The following KLF2 variants were observed in gnomAD, a reference collection of about 807,000 sequenced individuals.
KLF2 encodes Krueppel-like factor 2.
KLF2 carries 9 observed loss-of-function variants against 22.2 expected under a neutral mutation model. The observed-to-expected ratio is 0.40, with a 90% CI of 0.24 to 0.71. The LOEUF is 0.71. Among genes scored for constraint, KLF2 ranks in the 30% least tolerant of loss-of-function variants. The pLI, the probability that KLF2 is intolerant of heterozygous loss-of-function variation, is 0.35. For missense variants in KLF2, 481 were observed against 542.1 expected (o/e 0.89, Z 1.12); for synonymous variants, 299 against 264.2 (o/e 1.13, Z -1.28).
Position 16,328,449 on chromosome 19 carries a change from C to T in KLF2, c.*1418C>T, listed in dbSNP as rs928727732. Among the ~76,000 whole-genome samples, 10 of 152,104 alleles carry T rather than the reference C, an allele frequency of 6.6e-5. No homozygotes were observed. The highest frequency in any genetic ancestry group is 2.4e-4 in the African/African-American group (10 of 41,434). On this transcript the variant is annotated 3_prime_UTR_variant, in exon 3 of 3. Coordinates refer to ENST00000248071, the MANE Select transcript of KLF2 (RefSeq NM_016270.4). ...CAGGGGCCCCGGGTAACCATGACCA[C>T]CAACCATTGCACAAGTTTCCAGAAA...
In KLF2 at chr19:16,328,456, T is replaced by C. The variant is rs1173861628; in HGVS notation, c.*1425T>C. Among the ~76,000 whole-genome samples the C allele has an allele frequency of 1.3e-5, 2 of 151,992 alleles. No individual in the cohort carries two copies. The highest frequency in any genetic ancestry group is 2.9e-5 in the Non-Finnish European group (2 of 68,012). On this transcript the variant is annotated 3_prime_UTR_variant, in exon 3 of 3. Coordinates refer to ENST00000248071, the MANE Select transcript of KLF2 (RefSeq NM_016270.4). ...CCCGGGTAACCATGACCACCAACCA[T>C]TGCACAAGTTTCCAGAAAGTGAAAA...
chr19:16,327,306 C>CG lies in KLF2; in HGVS notation c.*278dup. On this transcript the variant is annotated 3_prime_UTR_variant, in exon 3 of 3. Transcript: ENST00000248071. ...ATTTAAGTGGCATCTTCTCTCCCACCGGGTCTACACTAGAGGATCGAGGCT... is the reference window on the plus strand; with the variant it reads ...ATTTAAGTGGCATCTTCTCTCCCACCGGGGTCTACACTAGAGGATCGAGGCT... The CG allele has an allele frequency of 3.8e-6, 1 of 265,666 alleles. No individual in the cohort carries two copies. Among genetic ancestry groups the CG allele is most frequent in the South Asian group, 7.3e-5 (1 of 13,628 alleles). The allele number at this position is 265,666 out of a possible 1,614,324, so 16.5% of individuals were successfully genotyped here.
chr19:16,325,083 C>T (rs890822838), intron 1 of KLF2, 85 bp downstream of exon 1: 2 of 1,372,434 alleles, frequency 1.5e-6, no homozygotes, highest in Middle Eastern at 2.4e-4. Context: ...GGTGACAGGA[C>T]GCGAAGGCGG....
chr19:16,328,602 G>A lies in KLF2; in HGVS notation c.*1571G>A, dbSNP rs1166456494. On this transcript the variant is annotated 3_prime_UTR_variant, in exon 3 of 3. Transcript: ENST00000248071. ...ACGGCAGCCCTGGAAACAGCTGAGA[G>A]GTGTTTGGTAATCCACGAAAAGCAG... 1.3e-5 allele frequency among the ~76,000 whole-genome samples: 2 copies of A among 152,194 alleles called. No homozygotes were observed. Among genetic ancestry groups the A allele is most frequent in the Non-Finnish European group, 1.5e-5 (1 of 68,042 alleles).
At position 16,327,044 on chromosome 19, in the gene KLF2, C is replaced by A; in HGVS notation, c.*13C>A. 1 of 1,555,128 alleles carries A rather than the reference C, an allele frequency of 6.4e-7. No individual in the cohort carries two copies. The highest frequency in any genetic ancestry group is 8.7e-7 in the Non-Finnish European group (1 of 1,148,578). The stretch of plus-strand genomic sequence containing the variant: ...ACGGCACATGTAGCCGGGACGCCCC[C>A]GCCCACCTGCGCGCGGCCGTGGCGG... On this transcript the variant is annotated 3_prime_UTR_variant, in exon 3 of 3. Coordinates refer to ENST00000248071, the MANE Select transcript of KLF2 (RefSeq NM_016270.4).
In KLF2 at chr19:16,326,878, C is replaced by A; in HGVS notation, c.915C>A (p.Asn305Lys). The A allele has an allele frequency of 6.2e-7, 1 of 1,612,414 alleles. No homozygotes were observed. The highest frequency in any genetic ancestry group is 8.5e-7 in the Non-Finnish European group (1 of 1,179,680). ...CAGGTGAGAAGCCCTACCACTGCAA[C>A]TGGGACGGCTGCGGCTGGAAGTTTG... ...THTGEKPYHC[N>K]WDGCGWKFAR... is the part of the protein sequence containing the mutation. The change falls in exon 3 of 3, where the codon AAC becomes AAA. Residue 305 changes from asparagine to lysine, a missense_variant. Around this residue, in one of 2 missense-constraint regions of KLF2, gnomAD observed 60 missense variants for 107.0 expected, o/e 0.56. Coordinates refer to ENST00000248071, the MANE Select transcript of KLF2 (RefSeq NM_016270.4).
Position 16,325,412 on chromosome 19 carries a change from T to C in KLF2, c.272T>C (p.Leu91Pro), listed in dbSNP as rs746618681. Residue 91 changes from leucine to proline, a missense_variant, in exon 2 of 3, where the codon CTG (leucine) becomes CCG (proline). By Grantham distance (98) the Leu-to-Pro change is moderately conservative. This residue lies in a region of KLF2 where 421 missense variants were observed against 435.1 expected (regional missense o/e 0.97). Coordinates refer to ENST00000248071, the MANE Select transcript of KLF2 (RefSeq NM_016270.4). The stretch of plus-strand genomic sequence containing the variant: ...CCCTACAGCGCCCCCGCGGGTGGCC[T>C]GGTGTCTGAGCTGCTGCGACCCGAG... ...PPPYSAPAGG[L>P]VSELLRPELD... is the part of the protein sequence containing the mutation. 1 of 1,427,520 alleles carries C rather than the reference T, an allele frequency of 7.0e-7. No homozygotes were observed. The highest frequency in any genetic ancestry group is 9.1e-7 in the Non-Finnish European group (1 of 1,102,186). The allele number at this position is 1,427,520 out of a possible 1,614,324, so 88.4% of individuals were successfully genotyped here.
In KLF2 at chr19:16,326,019, G is replaced by C; in HGVS notation, c.879G>C (p.Leu293=). Residue 293 remains leucine (L), a synonymous_variant, in exon 2 of 3, where the codon CTG becomes CTC. Transcript: ENST00000248071. ...YTKSSHLKAH[L]RTHTGEKPYH... is the part of the protein sequence containing the mutation. ...AGAGTTCGCATCTGAAGGCGCATCT[G>C]CGCACGCACACAGGTGGGCGGCACG... The C allele has an allele frequency of 1.3e-6, 2 of 1,550,604 alleles. No homozygotes were observed. Among genetic ancestry groups the C allele is most frequent in the African/African-American group, 1.4e-5 (1 of 72,788 alleles).
chr19:16,324,915 G>A lies in KLF2; in HGVS notation c.-9G>A. Reference sequence around the variant, plus strand: ...CCCCGTCCGCGTCCTTTCTCCCCGGGTCCCGGCCATGGCGCTGAGTGAACC... The same window carrying A: ...CCCCGTCCGCGTCCTTTCTCCCCGGATCCCGGCCATGGCGCTGAGTGAACC... On this transcript the variant is annotated 5_prime_UTR_variant, in exon 1 of 3. Coordinates refer to ENST00000248071, the MANE Select transcript of KLF2 (RefSeq NM_016270.4). 2 of 1,593,626 alleles carry A rather than the reference G, an allele frequency of 1.3e-6. No individual in the cohort carries two copies. Among genetic ancestry groups the A allele is most frequent in the South Asian group, 1.1e-5 (1 of 88,772 alleles).
At chr19:16,326,756 G>C in intron 2 of KLF2, 100 bp from the exon 3 acceptor site, 1 of 1,220,250 alleles carries the variant, frequency 8.2e-7, no homozygotes, top group Non-Finnish European at 1.1e-6. Flanking sequence ...CGGGGAGCGC[G>C]TCAAGGCCCT....
At chr19:16,325,026 C>T in intron 1 of KLF2, 28 bp downstream of exon 1, 1 of 1,542,692 alleles carries the variant, frequency 6.5e-7, no homozygotes, top group Non-Finnish European at 8.7e-7. Flanking sequence ...GGCGGGGCGG[C>T]CGGGACCGTG....
chr19:16,325,449 G>T lies in KLF2; in HGVS notation c.309G>T (p.Pro103=), dbSNP rs1260632205. 7.1e-7 allele frequency: 1 copy of T among 1,413,626 alleles called. No homozygotes were observed. Among genetic ancestry groups the T allele is most frequent in the Non-Finnish European group, 9.2e-7 (1 of 1,091,730 alleles). The allele number at this position is 1,413,626 out of a possible 1,614,324, so 87.6% of individuals were successfully genotyped here. A position where few individuals can be genotyped will look rare whatever the true frequency, so the allele number is the denominator to read the frequency against. The change falls in exon 2 of 3, where the codon CCG becomes CCT. Residue 103 remains proline (P), a synonymous_variant. Transcript: ENST00000248071. ...TGCTGCGACCCGAGCTGGATGCGCC[G>T]CTGGGGCCCGCACTGCACGGCCGCT... ...SELLRPELDA[P]LGPALHGRFL...
At chr19:16,326,066 G>A (rs1173933587) in intron 2 of KLF2, 34 bp downstream of exon 2, 2 of 1,523,726 alleles carry the variant, frequency 1.3e-6, no homozygotes, top group East Asian at 5.2e-5. Context: ...AGCGCAGGCG[G>A]GGGGACGCGG....
In KLF2 at chr19:16,325,005, G is replaced by C. The variant is rs567100463; in HGVS notation, c.75+7G>C. Reference sequence around the variant, plus strand: ...CGAGCGCGGCCTGCAGGAGGTGAGGGCGGCGGGGACGGCGGGGCGGCCGGG... The same window carrying C: ...CGAGCGCGGCCTGCAGGAGGTGAGGCCGGCGGGGACGGCGGGGCGGCCGGG... On this transcript the variant is annotated splice_region_variant and intron_variant, in intron 1 of 2. Coordinates refer to ENST00000248071, the MANE Select transcript of KLF2 (RefSeq NM_016270.4). 6.3e-7 allele frequency: 1 copy of C among 1,580,716 alleles called. No individual in the cohort carries two copies. Among genetic ancestry groups the C allele is most frequent in the African/African-American group, 1.4e-5 (1 of 72,850 alleles).
rs531458367 is a variant in KLF2, at chr19:16,327,915, A to G, written c.*884A>G. 4.0e-5 allele frequency: 6 copies of G among 151,560 alleles called. No individual in the cohort carries two copies. The East Asian group carries it at 9.6e-4, about 24-fold the overall frequency. 9.4% of individuals were successfully genotyped at this position (151,560 alleles called of 1,614,324 possible). ...GCCAAATTTCTGGAGTGCCAGCTCT[A>G]TATTTTTATTTTTATTTTTAAAGGG... On this transcript the variant is annotated 3_prime_UTR_variant, in exon 3 of 3. Coordinates refer to ENST00000248071, the MANE Select transcript of KLF2 (RefSeq NM_016270.4).
chr19:16,327,301 C>CGG lies in KLF2; in HGVS notation c.*270_*271insGG. On this transcript the variant is annotated 3_prime_UTR_variant, in exon 3 of 3. Coordinates refer to ENST00000248071, the MANE Select transcript of KLF2 (RefSeq NM_016270.4). ...CAATAATTTAAGTGGCATCTTCTCT[C>CGG]CCACCGGGTCTACACTAGAGGATCG... 2.8e-6 allele frequency: 1 copy of CGG among 358,476 alleles called. No homozygotes were observed. The highest frequency in any genetic ancestry group is 5.1e-6 in the Non-Finnish European group (1 of 197,536). The allele number at this position is 358,476 out of a possible 1,614,324, so 22.2% of individuals were successfully genotyped here. A position where few individuals can be genotyped will look rare whatever the true frequency, so the allele number is the denominator to read the frequency against.
chr19:16,326,396 T>A (rs2091890393), intron 2 of KLF2, among the ~76,000 whole-genome samples: 1 of 151,832 alleles, frequency 6.6e-6, no homozygotes, highest in East Asian at 1.9e-4. Flanking sequence ...GCTGGGCACT[T>A]GGCTCAGAAT....
rs1023416103 is a variant in KLF2, at chr19:16,327,046, C to T, written c.*15C>T. 3 of 1,555,186 alleles carry T rather than the reference C, an allele frequency of 1.9e-6. No homozygotes were observed. Among genetic ancestry groups the T allele is most frequent in the Admixed American group, 3.8e-5 (2 of 52,314 alleles). Reference sequence around the variant, plus strand: ...GGCACATGTAGCCGGGACGCCCCCGCCCACCTGCGCGCGGCCGTGGCGGGT... The same window carrying T: ...GGCACATGTAGCCGGGACGCCCCCGTCCACCTGCGCGCGGCCGTGGCGGGT... On this transcript the variant is annotated 3_prime_UTR_variant, in exon 3 of 3. Coordinates refer to ENST00000248071, the MANE Select transcript of KLF2 (RefSeq NM_016270.4).
chr19:16,328,269 C>CA lies in KLF2; in HGVS notation c.*1244dup, dbSNP rs1030498444. 8.9e-4 allele frequency among the ~76,000 whole-genome samples: 135 copies of CA among 152,116 alleles called. 1 individual carries two copies. Among genetic ancestry groups the CA allele is most frequent in the Admixed American group, 4.3e-3 (65 of 15,264 alleles). On this transcript the variant is annotated 3_prime_UTR_variant, in exon 3 of 3. Coordinates refer to ENST00000248071, the MANE Select transcript of KLF2 (RefSeq NM_016270.4). The stretch of plus-strand genomic sequence containing the variant: ...CTCCTCCCCTGTAGGTCTCCTGGTG[C>CA]AAAAAATTCACTGCCTCAATGGTAG...
Sources: gnomAD v4.1 joint callset for allele counts (sites outside exome capture counted in the v4.1 genomes callset) on GRCh38, gnomAD v4.1.1 for gene constraint, gnomAD v4.1.1 regional missense constraint, MANE v1.5 for transcripts, NCBI Gene and HGNC (gene_info 2026-07-23, HGNC 2026-07-21) for gene names.